The following UQCRB variants were observed in gnomAD, a reference collection of about 807,000 sequenced individuals.
UQCRB encodes ubiquinol-cytochrome c reductase binding protein.
Under a neutral mutation model 19.8 loss-of-function variants are expected in UQCRB, and 12 were observed. The observed-to-expected ratio is 0.61, with a 90% confidence interval of 0.39 to 0.98. The LOEUF is 0.98. Ranked by LOEUF, UQCRB falls within the 50% of genes least tolerant of loss-of-function variation. The probability of loss-of-function intolerance (pLI) is 0.00; values close to 1 mark genes in which losing one functional copy is unlikely to be tolerated. For synonymous variants in UQCRB, 39 were observed against 42.9 expected (o/e 0.91, Z 0.35); for missense variants, 142 against 131.8 (o/e 1.08, Z -0.38).
chr8:96,231,932 G>A lies in UQCRB; in HGVS notation c.100C>T (p.Arg34Ter), dbSNP rs139851271. Residue 34 changes from arginine to a stop codon, truncating the protein, a stop_gained, in exon 3 of 4, where the codon CGA (arginine) becomes TGA (stop). Transcript: ENST00000287022. LOFTEE classifies it high-confidence loss of function. The part of the protein sequence containing the change: ...AAGFNKLGLM[R>*]DDTIYEDEDV... ...TCATCCTCGTATATTGTATCATCTC[G>A]CATTAACCCTATGATAGATGACAAA... 14 of 1,612,860 alleles carry A rather than the reference G, an allele frequency of 8.7e-6. No homozygotes were observed. The highest frequency in any genetic ancestry group is 1.7e-4 in the Middle Eastern group (1 of 6,060).
intron 3 of UQCRB, chr8:96,231,446 G>C (rs1809671830): frequency 1.3e-6 from 2 of 1,535,756 alleles, no homozygotes; most frequent in African/African-American, 2.7e-5. Flanking sequence ...TTGGGATCTG[G>C]AGGGACACTC....
rs924283193 is a variant in UQCRB, at chr8:96,227,430, T to C, written c.*3625A>G. The C allele has an allele frequency of 2.0e-5, 9 of 454,002 alleles. No individual in the cohort carries two copies. Among genetic ancestry groups the C allele is most frequent in the African/African-American group, 1.4e-4 (7 of 50,008 alleles). The allele number at this position is 454,002 out of a possible 1,614,324, so 28.1% of individuals were successfully genotyped here. On this transcript the variant is annotated 3_prime_UTR_variant, in exon 4 of 4. Coordinates refer to ENST00000287022, the MANE Select transcript of UQCRB (RefSeq NM_006294.5). ...GGCATCGCCACCTAGTGGCAGAATTTCATGCCTTGTTCTAATAAAGGGATT... is the reference window on the plus strand; with the variant it reads ...GGCATCGCCACCTAGTGGCAGAATTCCATGCCTTGTTCTAATAAAGGGATT...
chr8:96,232,521 T>C (rs1418753142), intron 2 of UQCRB: 1 of 154,198 alleles, frequency 6.5e-6, no homozygotes, highest in Non-Finnish European at 1.4e-5. Flanking sequence ...CTACTTTCAA[T>C]GTTTATATAA....
intron 1 of UQCRB, chr8:96,234,331 C>T (rs559557856): frequency 2.8e-6 from 1 of 359,480 alleles, no homozygotes; most frequent in East Asian, 7.9e-5. Flanking sequence ...TCACTAAGCA[C>T]TTATTGTGCA....
rs1181105808 is a variant in UQCRB at position 96,235,497 on chromosome 8, C to G, written c.19+15G>C. The G allele has an allele frequency of 6.2e-7, 1 of 1,614,198 alleles. No homozygotes were observed. The highest frequency in any genetic ancestry group is 2.2e-5 in the East Asian group (1 of 44,880). ...AGCGCGACGATGCCGGCCAAGAAGA[C>G]CCCCAGTTACTTACCGGCCTGCTTA... is the stretch of plus-strand genomic sequence containing the variant. On this transcript the variant is annotated intron_variant, in intron 1 of 3. Transcript: ENST00000287022.
chr8:96,226,810 C>A lies in UQCRB; in HGVS notation c.*4245G>T. ...CTTTGTAGGAGATATAATCAGAATC[C>A]AGAATGACAATTTAAATAGTTTATC... is the stretch of plus-strand genomic sequence containing the variant. On this transcript the variant is annotated 3_prime_UTR_variant, in exon 4 of 4. Coordinates refer to ENST00000287022, the MANE Select transcript of UQCRB (RefSeq NM_006294.5). 1 of 439,968 alleles carries A rather than the reference C, an allele frequency of 2.3e-6. No homozygotes were observed. The highest frequency in any genetic ancestry group is 1.7e-5 in the South Asian group (1 of 60,406). 27.3% of individuals were successfully genotyped at this position (439,968 alleles called of 1,614,324 possible).
intron 2 of UQCRB, chr8:96,232,193 A>T: frequency 2.1e-6 from 1 of 466,670 alleles, no homozygotes; most frequent in Non-Finnish European, 3.9e-6. Context: ...CTATGGAAAC[A>T]ATATATGAGC....
chr8:96,228,561 G>T lies in UQCRB; in HGVS notation c.*2494C>A, dbSNP rs1050929389. 6.6e-5 allele frequency: 30 copies of T among 453,930 alleles called. No homozygotes were observed. Among genetic ancestry groups the T allele is most frequent in the Admixed American group, 6.1e-4 (26 of 42,552 alleles). 28.1% of individuals were successfully genotyped at this position (453,930 alleles called of 1,614,324 possible). A position where few individuals can be genotyped will look rare whatever the true frequency, so the allele number is the denominator to read the frequency against. On this transcript the variant is annotated 3_prime_UTR_variant, in exon 4 of 4. Transcript: ENST00000287022. Reference sequence around the variant, plus strand: ...CTATTCGACATTGATGATATTCAGCGTTTTCCCAAGTTATTCTTTCTCGCT... The same window carrying T: ...CTATTCGACATTGATGATATTCAGCTTTTTCCCAAGTTATTCTTTCTCGCT...
rs1440521552 is a variant in UQCRB, at chr8:96,230,506, T to C, written c.*549A>G. 4.4e-6 allele frequency: 2 copies of C among 453,986 alleles called. No homozygotes were observed. The highest frequency in any genetic ancestry group is 8.8e-6 in the Non-Finnish European group (2 of 226,802). 28.1% of individuals were successfully genotyped at this position (453,986 alleles called of 1,614,324 possible). A position where few individuals can be genotyped will look rare whatever the true frequency, so the allele number is the denominator to read the frequency against. The stretch of plus-strand genomic sequence containing the variant: ...AAGTCACTGGGATATGGGGACAGTA[T>C]GATTTGTCTTTATACTTTTATTTTT... On this transcript the variant is annotated 3_prime_UTR_variant, in exon 4 of 4. Coordinates refer to ENST00000287022, the MANE Select transcript of UQCRB (RefSeq NM_006294.5).
Position 96,228,334 on chromosome 8 carries a change from C to T in UQCRB, c.*2721G>A. The T allele has an allele frequency of 2.2e-6, 1 of 454,062 alleles. No individual in the cohort carries two copies. Among genetic ancestry groups the T allele is most frequent in the South Asian group, 1.6e-5 (1 of 64,482 alleles). 28.1% of individuals were successfully genotyped at this position (454,062 alleles called of 1,614,324 possible). ...GAATATTGGCAGTTTTAAAATGTCA[C>T]CCATCCAAAACACAAAACAGGGAGA... is the stretch of plus-strand genomic sequence containing the variant. On this transcript the variant is annotated 3_prime_UTR_variant, in exon 4 of 4. Coordinates refer to ENST00000287022, the MANE Select transcript of UQCRB (RefSeq NM_006294.5).
At position 96,227,385 on chromosome 8, in the gene UQCRB, A is replaced by C. The variant is rs2292836; in HGVS notation, c.*3670T>G. 0.44 allele frequency: 201,708 copies of C among 453,772 alleles called. 46,394 individuals are homozygous for C. Among genetic ancestry groups the C allele is most frequent in the African/African-American group, 0.49 (24,639 of 50,002 alleles). The allele number at this position is 453,772 out of a possible 1,614,324, so 28.1% of individuals were successfully genotyped here. A position where few individuals can be genotyped will look rare whatever the true frequency, so the allele number is the denominator to read the frequency against. ...CTTCCATAGTGCTCGTGTGATGTACACTAAGTTGTAAAGTTATAGGGCATC... is the reference window on the plus strand; with the variant it reads ...CTTCCATAGTGCTCGTGTGATGTACCCTAAGTTGTAAAGTTATAGGGCATC... On this transcript the variant is annotated 3_prime_UTR_variant, in exon 4 of 4. Coordinates refer to ENST00000287022, the MANE Select transcript of UQCRB (RefSeq NM_006294.5).
At position 96,229,664 on chromosome 8, in the gene UQCRB, C is replaced by T. The variant is rs1226839138; in HGVS notation, c.*1391G>A. On this transcript the variant is annotated 3_prime_UTR_variant, in exon 4 of 4. Coordinates refer to ENST00000287022, the MANE Select transcript of UQCRB (RefSeq NM_006294.5). ...ACATTAAAACCTTGTCACAATGTGA[C>T]CTGAGCAAAACCATTATCAAGTGAT... 2.2e-6 allele frequency: 1 copy of T among 453,498 alleles called. No individual in the cohort carries two copies. Among genetic ancestry groups the T allele is most frequent in the African/African-American group, 2.0e-5 (1 of 49,776 alleles). The allele number at this position is 453,498 out of a possible 1,614,324, so 28.1% of individuals were successfully genotyped here.
In UQCRB at chr8:96,227,533, A is replaced by T. The variant is rs1369652252; in HGVS notation, c.*3522T>A. ...TCTGATACTGTCCCTCCTAAAATCC[A>T]TGCTTCCTCCCATACACCATAAACC... On this transcript the variant is annotated 3_prime_UTR_variant, in exon 4 of 4. Transcript: ENST00000287022. The T allele has an allele frequency of 8.8e-6, 4 of 454,110 alleles. No homozygotes were observed. The highest frequency in any genetic ancestry group is 1.8e-5 in the Non-Finnish European group (4 of 226,794). The allele number at this position is 454,110 out of a possible 1,614,324, so 28.1% of individuals were successfully genotyped here.
At position 96,223,497 on chromosome 8, in the gene UQCRB, T is replaced by C. The variant is rs1045872015; in HGVS notation, c.*7558A>G. On this transcript the variant is annotated 3_prime_UTR_variant, in exon 4 of 4. Transcript: ENST00000287022. ...CACAGTGAACACTAGGTAAATAGTA[T>C]TTATTATTGTTAAATAGTAAATGAT... is the stretch of plus-strand genomic sequence containing the variant. Among the ~76,000 whole-genome samples the C allele has an allele frequency of 2.5e-4, 38 of 152,306 alleles. No individual in the cohort carries two copies. The highest frequency in any genetic ancestry group is 9.1e-4 in the African/African-American group (38 of 41,550).
rs1809658465 is a variant in UQCRB, at chr8:96,231,066, C to T, written c.325G>A (p.Ala109Thr). 1 of 1,613,430 alleles carries T rather than the reference C, an allele frequency of 6.2e-7. No homozygotes were observed. Among genetic ancestry groups the T allele is most frequent in the East Asian group, 2.2e-5 (1 of 44,840 alleles). The change falls in exon 4 of 4, where the codon GCA becomes ACA. Residue 109 changes from alanine to threonine, a missense_variant. By Grantham distance (58) the Ala-to-Thr change is moderately conservative. Coordinates refer to ENST00000287022, the MANE Select transcript of UQCRB (RefSeq NM_006294.5). ...IRERKEREEWAKK is the reference protein window; with the variant it reads ...IRERKEREEWTKK ...CTTCAACTACATGATTACTTCTTTG[C>T]CCATTCTTCTCTTTCTTTTCTTTCC...
Position 96,229,793 on chromosome 8 carries a change from C to T in UQCRB, c.*1262G>A, listed in dbSNP as rs758798514. ...AAAAAAAAAGCGGGGGAGGGGGTTC[C>T]TAGAGAATTTAAGAGGCTAATATTT... On this transcript the variant is annotated 3_prime_UTR_variant, in exon 4 of 4. Coordinates refer to ENST00000287022, the MANE Select transcript of UQCRB (RefSeq NM_006294.5). 6.6e-6 allele frequency: 3 copies of T among 453,500 alleles called. No individual in the cohort carries two copies. Among genetic ancestry groups the T allele is most frequent in the South Asian group, 4.7e-5 (3 of 64,364 alleles). 28.1% of individuals were successfully genotyped at this position (453,500 alleles called of 1,614,324 possible).
At chr8:96,232,042 G>A (rs1213061066) in intron 2 of UQCRB, 102 bp from the exon 3 acceptor site, 1 of 1,113,408 alleles carries the variant, frequency 9.0e-7, no homozygotes, top group Non-Finnish European at 1.3e-6. Context: ...AACTTTTGGT[G>A]AACTATCGAA....
In UQCRB at chr8:96,229,065, C is replaced by T. The variant is rs548391493; in HGVS notation, c.*1990G>A. On this transcript the variant is annotated 3_prime_UTR_variant, in exon 4 of 4. Coordinates refer to ENST00000287022, the MANE Select transcript of UQCRB (RefSeq NM_006294.5). ...TTCTTAGTCTTCATAACAAGCAGGA[C>T]GATAACCATAATTTATAATGAACAC... 3.5e-5 allele frequency: 16 copies of T among 453,954 alleles called. No individual in the cohort carries two copies. The highest frequency in any genetic ancestry group is 1.4e-4 in the East Asian group (2 of 14,384). The allele number at this position is 453,954 out of a possible 1,614,324, so 28.1% of individuals were successfully genotyped here.
intron 1 of UQCRB, chr8:96,234,593 A>G: frequency 3.0e-6 from 3 of 991,166 alleles, no homozygotes; most frequent in South Asian, 1.3e-5. Flanking sequence ...AAAAAGCTCA[A>G]TGTCAATTAG....
Sources: gnomAD v4.1 joint callset for allele counts (sites outside exome capture counted in the v4.1 genomes callset) on GRCh38, gnomAD v4.1.1 for gene constraint, MANE v1.5 for transcripts, NCBI Gene and HGNC (gene_info 2026-07-23, HGNC 2026-07-21) for gene names.